The following ZNF469 variants were observed in gnomAD, a reference collection of about 807,000 sequenced individuals.
ZNF469 encodes the protein zinc finger protein 469.
In ZNF469, 1 loss-of-function variant was observed where a neutral mutation model predicts 1.0. That is an observed-to-expected ratio of 1.00 (90% CI 0.35 to 4.73). The LOEUF is 4.73. ZNF469 is among the 30% of genes most tolerant of loss of function. The pLI is 0.16. For synonymous variants in ZNF469, 2,703 were observed against 2,363.4 expected, an observed-to-expected ratio of 1.14 and a Z score of -4.17; for missense variants, 6,100 against 5,356.3, an observed-to-expected ratio of 1.14 and a Z score of -4.33.
At chr16:88,205,727 G>T in the ZNF469 span, among the ~76,000 whole-genome samples, 5 of 152,220 alleles carry the variant, frequency 3.3e-5, no homozygotes. The surrounding 1 kb of genome is among the most constrained non-coding windows in gnomAD (Gnocchi z 4.2). Flanking sequence ...AGGTGTCAGA[G>T]ACGCGCGATC....
the ZNF469 span, among the ~76,000 whole-genome samples, chr16:88,237,491 C>G: frequency 7.8e-6 from 1 of 129,020 alleles, no homozygotes; most frequent in African/African-American, 3.0e-5. Flanking sequence ...GCTCCTGCCA[C>G]GCACCCTCCC....
the ZNF469 span, among the ~76,000 whole-genome samples, chr16:88,245,189 T>C: frequency 1.3e-5 from 2 of 152,164 alleles, no homozygotes; most frequent in African/African-American, 4.8e-5. Context: ...GATGAAGATG[T>C]CTCAGCAGAG....
the ZNF469 span, among the ~76,000 whole-genome samples, chr16:88,140,142 C>T: frequency 6.6e-6 from 1 of 152,000 alleles, no homozygotes; most frequent in African/African-American, 2.4e-5. Context: ...AATGAAAGTC[C>T]AGAGCAAGAG....
At chr16:88,131,104 C>T in the ZNF469 span, among the ~76,000 whole-genome samples, 2 of 152,212 alleles carry the variant, frequency 1.3e-5, no homozygotes, top group African/African-American at 4.8e-5. Context: ...GCATCATGTT[C>T]AGATCGTCTC....
the ZNF469 span, among the ~76,000 whole-genome samples, chr16:88,306,161 A>C: frequency 9.9e-5 from 15 of 152,272 alleles, no homozygotes; most frequent in Non-Finnish European, 1.8e-4. Flanking sequence ...GTTCAGAAGC[A>C]GCCTCCTGTC....
chr16:88,259,410 C>T, the ZNF469 span, among the ~76,000 whole-genome samples: 1 of 152,210 alleles, frequency 6.6e-6, no homozygotes, highest in African/African-American at 2.4e-5. This position sits in a 1 kb window ranked among gnomAD's most constrained non-coding sequence, Gnocchi z 4.1. Context: ...AGCCGGGCTG[C>T]TCAGGAAAAA....
the ZNF469 span, among the ~76,000 whole-genome samples, chr16:88,128,969 T>C: frequency 6.6e-6 from 1 of 152,230 alleles, no homozygotes. Flanking sequence ...GACTGGAAAA[T>C]GCAGCACACT....
chr16:88,305,373 C>T, the ZNF469 span, among the ~76,000 whole-genome samples: 1,147 of 148,872 alleles, frequency 7.7e-3, 12 homozygotes, highest in Admixed American at 0.017. Flanking sequence ...CACAGGCACA[C>T]GCATGCACAC....
the ZNF469 span, among the ~76,000 whole-genome samples, chr16:88,152,954 C>T: frequency 2.0e-5 from 3 of 152,308 alleles, no homozygotes; most frequent in South Asian, 4.1e-4. The surrounding 1 kb of genome is among the most constrained non-coding windows in gnomAD (Gnocchi z 4.2). Context: ...CCTCACTGGC[C>T]GTGAAGGGCT....
At chr16:88,357,670 G>A in the ZNF469 span, among the ~76,000 whole-genome samples, 4 of 152,338 alleles carry the variant, frequency 2.6e-5, no homozygotes, top group East Asian at 5.8e-4. Context: ...ACTGAGCTCC[G>A]AAGCACGCCA....
chr16:88,127,673 C>G, the ZNF469 span, among the ~76,000 whole-genome samples: 26,667 of 152,120 alleles, frequency 0.18, 2,985 homozygotes, highest in African/African-American at 0.32. Flanking sequence ...CCTGTCTCAC[C>G]TCTACCTTGG....
intron 1 of ZNF469, among the ~76,000 whole-genome samples, chr16:88,383,534 G>C (rs1184584088): frequency 6.7e-6 from 1 of 149,894 alleles, no homozygotes; most frequent in Non-Finnish European, 1.5e-5. Context: ...GGCAGCGCGG[G>C]GTCCGGCTCC....
chr16:88,206,668 C>T, the ZNF469 span, among the ~76,000 whole-genome samples: 6 of 151,604 alleles, frequency 4.0e-5, no homozygotes, highest in Non-Finnish European at 8.8e-5. Flanking sequence ...TGGAACCCTG[C>T]GTCTTTCTTT....
In ZNF469 at chr16:88,437,970, G is replaced by A. The variant is rs912911125; in HGVS notation, c.10500G>A (p.Leu3500=). ...RPPPRGSSPI[L]SEGSLPALLH... ...CTCCCCGGGGAAGCAGCCCCATCCTGAGTGAGGGCTCTCTCCCGGCCCTGC... is the reference window on the plus strand; with the variant it reads ...CTCCCCGGGGAAGCAGCCCCATCCTAAGTGAGGGCTCTCTCCCGGCCCTGC... Residue 3500 remains leucine (L), a synonymous_variant, in exon 3 of 3, where the codon CTG becomes CTA. Coordinates refer to ENST00000565624, the MANE Select transcript of ZNF469 (RefSeq NM_001367624.2). 1 of 1,547,302 alleles carries A rather than the reference G, an allele frequency of 6.5e-7. No homozygotes were observed. The highest frequency in any genetic ancestry group is 8.7e-7 in the Non-Finnish European group (1 of 1,146,618).
rs1333164704 is a variant in ZNF469, at chr16:88,432,518, C to G, written c.5048C>G (p.Ala1683Gly). ...GCCCAGGAAGACCTGGTTTCTGGGG[C>G]TCCTTTCAGCCCCAGGGGAGCCAAC... ...PCAQEDLVSG[A>G]PFSPRGANFH... The change falls in exon 3 of 3, where the codon GCT becomes GGT. Residue 1683 changes from alanine (A) to glycine (G), a missense_variant. Transcript: ENST00000565624. 4 of 1,550,270 alleles carry G rather than the reference C, an allele frequency of 2.6e-6. No homozygotes were observed. The Admixed American group carries it at 7.8e-5, about 30-fold the overall frequency.
At chr16:88,357,583 CG>C in the ZNF469 span, among the ~76,000 whole-genome samples, 9 of 152,142 alleles carry the variant, frequency 5.9e-5, no homozygotes, top group African/African-American at 2.2e-4. Flanking sequence ...AGCAGGCAGG[CG>C]GGGGCCTGGG....
intron 1 of ZNF469, among the ~76,000 whole-genome samples, chr16:88,397,920 C>G (rs1364653684): frequency 6.6e-6 from 1 of 152,206 alleles, no homozygotes; most frequent in African/African-American, 2.4e-5. Context: ...CATCAAGCCT[C>G]TGGTGTCAGG....
At chr16:88,225,728 C>G in the ZNF469 span, among the ~76,000 whole-genome samples, 1 of 152,140 alleles carries the variant, frequency 6.6e-6, no homozygotes, top group Non-Finnish European at 1.5e-5. Context: ...CCCTTCCCAT[C>G]ACATGAGGAC....
Position 88,439,835 on chromosome 16 carries a change from A to C in ZNF469, c.*503A>C, listed in dbSNP as rs905832661. ...TGGGGGAAGGCAGTGCTCACTACTT[A>C]GAAGGGTTGCTTCTGAGCCGCCTGG... On this transcript the variant is annotated 3_prime_UTR_variant, in exon 3 of 3. Coordinates refer to ENST00000565624, the MANE Select transcript of ZNF469 (RefSeq NM_001367624.2). 2.4e-5 allele frequency: 4 copies of C among 163,434 alleles called. 1 individual carries two copies. The South Asian group carries it at 3.9e-4, about 16-fold the overall frequency. 10.1% of individuals were successfully genotyped at this position (163,434 alleles called of 1,614,324 possible).
Sources: gnomAD v4.1 joint callset for allele counts (sites outside exome capture counted in the v4.1 genomes callset) on GRCh38, gnomAD v4.1.1 for gene constraint, Gnocchi (gnomAD v3.1) non-coding constraint, MANE v1.5 for transcripts, NCBI Gene and HGNC (gene_info 2026-07-23, HGNC 2026-07-21) for gene names.